The following LSAMP variants were observed in gnomAD, a reference collection of about 807,000 sequenced individuals.
The protein encoded by LSAMP is limbic system associated membrane protein.
LSAMP carries 7 observed loss-of-function variants against 38.6 expected under a neutral mutation model. The observed-to-expected ratio is 0.18, with a 90% confidence interval of 0.10 to 0.34. LSAMP has a LOEUF of 0.34. LSAMP is among the 10% of genes least tolerant of loss of function. The pLI is 1.00. For synonymous variants in LSAMP, 154 were observed against 166.8 expected, an observed-to-expected ratio of 0.92 and a Z score of 0.59; for missense variants, 313 against 420.0, an observed-to-expected ratio of 0.75 and a Z score of 2.23.
intron 1 of LSAMP, among the ~76,000 whole-genome samples, chr3:116,160,376 G>T (rs1177304247): frequency 1.4e-5 from 2 of 144,752 alleles, no homozygotes; most frequent in Non-Finnish European, 3.0e-5. Context: ...TTCAGCCTGG[G>T]CAGTAAGAGC....
intron 2 of LSAMP, among the ~76,000 whole-genome samples, chr3:116,073,993 GCT>G (rs749871809): frequency 7.0e-4 from 106 of 152,288 alleles, no homozygotes; most frequent in Non-Finnish European, 1.2e-3. Context: ...GAATGCCATA[GCT>G]CTCACCACCA....
intron 1 of LSAMP, among the ~76,000 whole-genome samples, chr3:116,126,961 T>C (rs1433831003): frequency 1.3e-5 from 2 of 152,204 alleles, no homozygotes; most frequent in Admixed American, 6.5e-5. Flanking sequence ...TTCCTAACTC[T>C]TTTTTGCTCT....
At chr3:115,933,216 A>T (rs1305025648) in intron 3 of LSAMP, among the ~76,000 whole-genome samples, 1 of 152,208 alleles carries the variant, frequency 6.6e-6, no homozygotes, top group African/African-American at 2.4e-5. Flanking sequence ...TAGTGACAAT[A>T]GGAGACCAGC....
intron 1 of LSAMP, among the ~76,000 whole-genome samples, chr3:116,188,394 G>GC (rs1255694768): frequency 1.3e-5 from 2 of 152,172 alleles, no homozygotes; most frequent in African/African-American, 4.8e-5. Flanking sequence ...CCTGGTATCT[G>GC]CATGTTTCCT....
intron 3 of LSAMP, among the ~76,000 whole-genome samples, chr3:115,941,105 T>G (rs1216675983): frequency 6.6e-6 from 1 of 151,998 alleles, no homozygotes. Context: ...AATGACCCAA[T>G]TAAGAAATGA....
At chr3:115,912,176 CTT>C (rs1937150214) in intron 3 of LSAMP, among the ~76,000 whole-genome samples, 1 of 152,124 alleles carries the variant, frequency 6.6e-6, no homozygotes, top group African/African-American at 2.4e-5. Flanking sequence ...AATTTATTGA[CTT>C]TTCCTTTTAC....
intron 1 of LSAMP, among the ~76,000 whole-genome samples, chr3:116,260,871 G>T (rs2046817377): frequency 6.6e-6 from 1 of 152,154 alleles, no homozygotes; most frequent in Non-Finnish European, 1.5e-5. Context: ...CTTCAGCTAA[G>T]TGCTTTTCCT....
chr3:115,925,149 G>A (rs1309879488), intron 3 of LSAMP, among the ~76,000 whole-genome samples: 1 of 152,148 alleles, frequency 6.6e-6, no homozygotes, highest in Admixed American at 6.5e-5. Context: ...GGCCTGGGGG[G>A]TGAACAAGGG....
At chr3:116,260,245 C>G (rs1424022550) in intron 1 of LSAMP, among the ~76,000 whole-genome samples, 2 of 152,058 alleles carry the variant, frequency 1.3e-5, no homozygotes. Flanking sequence ...AACAAACACA[C>G]TTGATCTCAT....
At chr3:116,345,238 T>C (rs2048050066) in intron 1 of LSAMP, among the ~76,000 whole-genome samples, 1 of 152,184 alleles carries the variant, frequency 6.6e-6, no homozygotes, top group Non-Finnish European at 1.5e-5. Context: ...AAAGAAAATG[T>C]GTGGCTACAT....
chr3:116,151,566 TG>T (rs1402182454), intron 1 of LSAMP, among the ~76,000 whole-genome samples: 1 of 152,088 alleles, frequency 6.6e-6, no homozygotes, highest in African/African-American at 2.4e-5. Flanking sequence ...GGCTCGTCCA[TG>T]CATGAGCTCC....
At chr3:116,302,482 G>GCTAA (rs1330287517) in intron 1 of LSAMP, among the ~76,000 whole-genome samples, 1 of 152,122 alleles carries the variant, frequency 6.6e-6, no homozygotes, top group African/African-American at 2.4e-5. Flanking sequence ...CCTCCATTCT[G>GCTAA]CTAACTTTCT....
chr3:116,358,106 G>A (rs911095974), intron 1 of LSAMP, among the ~76,000 whole-genome samples: 25 of 152,188 alleles, frequency 1.6e-4, no homozygotes, highest in Admixed American at 1.6e-3. Flanking sequence ...AGTATGTTTA[G>A]TCTAACCGCC....
intron 1 of LSAMP, among the ~76,000 whole-genome samples, chr3:116,414,353 C>G (rs1328127844): frequency 6.6e-6 from 1 of 152,112 alleles, no homozygotes; most frequent in African/African-American, 2.4e-5. Context: ...CACATCCATC[C>G]TCTGTATTTT....
chr3:115,995,245 A>G (rs938928505), intron 3 of LSAMP, among the ~76,000 whole-genome samples: 2 of 152,130 alleles, frequency 1.3e-5, no homozygotes, highest in African/African-American at 4.8e-5. Flanking sequence ...AATTAAGGAT[A>G]CACATGATCA....
intron 2 of LSAMP, among the ~76,000 whole-genome samples, chr3:116,036,601 C>T (rs113108102): frequency 9.1e-4 from 139 of 152,236 alleles, no homozygotes; most frequent in African/African-American, 2.7e-3. Context: ...CTTCCAGGCC[C>T]CTAACCTATA....
chr3:116,402,465 T>G (rs560342538), intron 1 of LSAMP, among the ~76,000 whole-genome samples: 1 of 152,152 alleles, frequency 6.6e-6, no homozygotes, highest in South Asian at 2.1e-4. Context: ...AGTAAGAAAA[T>G]TTTTAAAAAC....
intron 6 of LSAMP, chr3:115,838,283 C>T (rs944257482): frequency 6.6e-5 from 10 of 152,236 alleles, no homozygotes; most frequent in African/African-American, 2.4e-4. Context: ...CACCCATCAC[C>T]CTTTCTTCCT....
At chr3:116,273,068 A>G (rs1373067426) in intron 1 of LSAMP, among the ~76,000 whole-genome samples, 1 of 152,142 alleles carries the variant, frequency 6.6e-6, no homozygotes, top group Admixed American at 6.6e-5. Flanking sequence ...GTTCGCTCAA[A>G]GGTCATCACA....
Sources: allele counts gnomAD v4.1 joint callset (sites outside exome capture counted in the v4.1 genomes callset), GRCh38; gene constraint gnomAD v4.1.1; transcripts MANE v1.5; gene names NCBI Gene and HGNC (gene_info 2026-07-23, HGNC 2026-07-21).